LPA: variants seen among roughly 807,000 people sequenced by gnomAD.
LPA encodes apolipoprotein(a).
In LPA, 199 loss-of-function variants were observed where a neutral mutation model predicts 197.9. That is an observed-to-expected ratio of 1.01 (90% CI 0.90 to 1.13). The LOEUF is 1.13. LPA is among the 50% of genes most tolerant of loss of function. The probability of loss-of-function intolerance (pLI) is 0.00; values close to 1 mark genes in which losing one functional copy is unlikely to be tolerated. For missense variants in LPA, 1,853 were observed against 1,785.8 expected, an observed-to-expected ratio of 1.04 and a Z score of -0.68; for synonymous variants, 715 against 639.5, an observed-to-expected ratio of 1.12 and a Z score of -1.78.
chr6:160,648,378 G>A (rs992371971), intron 2 of LPA, among the ~76,000 whole-genome samples: 1 of 152,072 alleles, frequency 6.6e-6, no homozygotes, highest in African/African-American at 2.4e-5. Context: ...TCTTGAGTCC[G>A]TGATTTTTTA....
intron 16 of LPA, among the ~76,000 whole-genome samples, chr6:160,607,603 C>T (rs1582882299): frequency 6.6e-6 from 1 of 152,240 alleles, no homozygotes; most frequent in African/African-American, 2.4e-5. Context: ...CTCCCAAGAA[C>T]GTTGCTCCAA....
intron 37 of LPA, among the ~76,000 whole-genome samples, chr6:160,536,128 T>G (rs1189274756): frequency 6.6e-6 from 1 of 152,134 alleles, no homozygotes; most frequent in Non-Finnish European, 1.5e-5. Context: ...ATTGTTCACA[T>G]AATTGGGAGA....
At chr6:160,599,773 T>C (rs543723974) in intron 19 of LPA, 114 bp from the exon 20 acceptor site, 3 of 1,170,544 alleles carry the variant, frequency 2.6e-6, no homozygotes, top group African/African-American at 3.0e-5. Flanking sequence ...CCATTCTCTA[T>C]TCTTTATTAA....
chr6:160,568,773 A>G (rs1398851999), intron 28 of LPA, among the ~76,000 whole-genome samples: 1 of 152,262 alleles, frequency 6.6e-6, no homozygotes, highest in Non-Finnish European at 1.5e-5. Flanking sequence ...TAAGCTGATA[A>G]GCAACTTCAG....
At chr6:160,649,471 C>T (rs1248578606) in intron 2 of LPA, among the ~76,000 whole-genome samples, 1 of 152,174 alleles carries the variant, frequency 6.6e-6, no homozygotes, top group Non-Finnish European at 1.5e-5. Flanking sequence ...CCTAGAAAAT[C>T]CTAGCCACCT....
intron 1 of LPA, among the ~76,000 whole-genome samples, chr6:160,659,903 G>C (rs1361633244): frequency 6.6e-6 from 1 of 152,178 alleles, no homozygotes; most frequent in East Asian, 1.9e-4. Context: ...CAGTGGTAAG[G>C]AAGAAAGTAC....
At chr6:160,555,812 C>T (rs1778253275) in intron 30 of LPA, among the ~76,000 whole-genome samples, 1 of 152,030 alleles carries the variant, frequency 6.6e-6, no homozygotes, top group Non-Finnish European at 1.5e-5. Context: ...CTCCATGTAG[C>T]CTTCTGCTTC....
At chr6:160,599,046 T>TA (rs1302435916) in intron 20 of LPA, among the ~76,000 whole-genome samples, 1 of 152,084 alleles carries the variant, frequency 6.6e-6, no homozygotes, top group African/African-American at 2.4e-5. Flanking sequence ...AGAGCCAGCT[T>TA]AAAAAATGTC....
At chr6:160,656,241 C>G (rs1280686389) in intron 1 of LPA, among the ~76,000 whole-genome samples, 1 of 152,200 alleles carries the variant, frequency 6.6e-6, no homozygotes, top group Non-Finnish European at 1.5e-5. Flanking sequence ...TCACTTCAGT[C>G]CCTCCAGGGA....
intron 1 of LPA, among the ~76,000 whole-genome samples, chr6:160,650,893 G>C (rs1185758721): frequency 2.6e-5 from 4 of 152,110 alleles, no homozygotes; most frequent in Non-Finnish European, 2.9e-5. Context: ...TGAAAACCTT[G>C]CACAATTCCC....
At chr6:160,563,377 T>C (rs142421200) in intron 28 of LPA, among the ~76,000 whole-genome samples, 2 of 152,232 alleles carry the variant, frequency 1.3e-5, no homozygotes, top group Non-Finnish European at 2.9e-5. Flanking sequence ...TTGTGTGGTT[T>C]TGAGTGAGTT....
chr6:160,586,781 T>G, intron 24 of LPA, 151 bp from the exon 25 acceptor site: 1 of 1,029,100 alleles, frequency 9.7e-7, no homozygotes. Context: ...GGTCCTCAAC[T>G]TCTAAACAAC....
chr6:160,653,946 TATATTATATATAA>T, intron 1 of LPA, among the ~76,000 whole-genome samples: 3 of 41,832 alleles, frequency 7.2e-5, no homozygotes, highest in African/African-American at 3.0e-4. Context: ...ATATTTTATA[TATATTATATATAA>T]TATATATTAT....
chr6:160,615,287 G>A (rs1325715177), intron 14 of LPA, among the ~76,000 whole-genome samples: 5 of 146,974 alleles, frequency 3.4e-5, no homozygotes, highest in African/African-American at 1.0e-4. Context: ...TCAGGGGTGC[G>A]CGTGTCTGTG....
At chr6:160,576,396 A>ATACATATATATATATATATATATATGTG (rs1778674416) in intron 28 of LPA, among the ~76,000 whole-genome samples, 8 of 46,932 alleles carry the variant, frequency 1.7e-4, no homozygotes, top group East Asian at 2.0e-3. Flanking sequence ...ATATGTATAT[A>ATACATATATATATATATATATATATGTG]TATATATATA....
At chr6:160,608,982 T>C (rs1003598598) in intron 16 of LPA, among the ~76,000 whole-genome samples, 1 of 152,152 alleles carries the variant, frequency 6.6e-6, no homozygotes, top group Admixed American at 6.5e-5. Context: ...CCAGTAATTT[T>C]TTCTTTTAAG....
At chr6:160,654,107 T>C (rs1404523563) in intron 1 of LPA, among the ~76,000 whole-genome samples, 3 of 77,984 alleles carry the variant, frequency 3.8e-5, no homozygotes, top group African/African-American at 1.5e-4. Flanking sequence ...TAATATAATA[T>C]ATTATATGTA....
intron 37 of LPA, among the ~76,000 whole-genome samples, chr6:160,536,647 G>A (rs1777899616): frequency 6.6e-6 from 1 of 152,132 alleles, no homozygotes; most frequent in African/African-American, 2.4e-5. Flanking sequence ...AACTCACAGT[G>A]GTTTGTAGCA....
intron 23 of LPA, among the ~76,000 whole-genome samples, chr6:160,590,271 G>C (rs1355734236): frequency 6.6e-6 from 1 of 152,102 alleles, no homozygotes; most frequent in African/African-American, 2.4e-5. Flanking sequence ...GGAAATCTTG[G>C]GCCCAGGATC....
Sources: allele counts gnomAD v4.1 joint callset (sites outside exome capture counted in the v4.1 genomes callset), GRCh38; gene constraint gnomAD v4.1.1; transcripts MANE v1.5; gene names NCBI Gene and HGNC (gene_info 2026-07-23, HGNC 2026-07-21).